The following ZNF23 variants were observed in gnomAD, a reference collection of about 807,000 sequenced individuals.
ZNF23 encodes kruppel-like zinc finger factor X31.
In ZNF23, 48 loss-of-function variants were observed where a neutral mutation model predicts 56.2. The observed-to-expected ratio is 0.85, with a 90% CI of 0.68 to 1.09. The LOEUF is 1.09. Among genes scored for constraint, ZNF23 ranks in the 50% least tolerant of loss-of-function variants. The probability of loss-of-function intolerance (pLI) is 0.00; values close to 1 mark genes in which losing one functional copy is unlikely to be tolerated. For missense variants in ZNF23, 805 were observed against 811.4 expected, an observed-to-expected ratio of 0.99 and a Z score of 0.10; for synonymous variants, 266 against 283.3, an observed-to-expected ratio of 0.94 and a Z score of 0.61.
intron 1 of ZNF23, among the ~76,000 whole-genome samples, chr16:71,459,632 T>C (rs887813154): frequency 1.3e-5 from 2 of 152,258 alleles, no homozygotes; most frequent in African/African-American, 4.8e-5. Context: ...GGATACACTA[T>C]TTGCCACATT....
Position 71,448,425 on chromosome 16 carries a change from A to G in ZNF23, c.1729T>C (p.Cys577Arg), listed in dbSNP as rs1402094656. 2 of 1,614,226 alleles carry G rather than the reference A, an allele frequency of 1.2e-6. No individual in the cohort carries two copies. The highest frequency in any genetic ancestry group is 3.3e-5 in the Admixed American group (2 of 60,034). ...RIHTGEKPFK[C>R]MECEKAFSCS... ...CTGAATGCTTTCTCACATTCCATAC[A>G]TTTGAAAGGTTTCTCCCCAGTATGT... Residue 577 changes from cysteine to arginine, a missense_variant, in exon 5 of 5, where the codon TGT becomes CGT. Coordinates refer to ENST00000647773, the MANE Select transcript of ZNF23 (RefSeq NM_001381984.1).
Position 71,456,766 on chromosome 16 carries a change from G to C in ZNF23, c.31C>G (p.Gln11Glu). ...AGCTGAAGGACCCCACAGCTCACCT[G>C]GGGCCAGGCTGTCAGGTGCATGGCT... MAAMHLTAWP[Q>E]KSVTFEDVAV... Residue 11 changes from glutamine to glutamate, a missense_variant and splice_region_variant, in exon 2 of 5, where the codon CAG (glutamine) becomes GAG (glutamate). Gln to Glu is a conservative substitution (Grantham distance 29, BLOSUM62 2). Transcript: ENST00000647773. The C allele has an allele frequency of 1.0e-6, 1 of 986,014 alleles. No homozygotes were observed. Among genetic ancestry groups the C allele is most frequent in the Non-Finnish European group, 1.2e-6 (1 of 830,054 alleles). 61.1% of individuals were successfully genotyped at this position (986,014 alleles called of 1,614,324 possible). A position where few individuals can be genotyped will look rare whatever the true frequency, so the allele number is the denominator to read the frequency against.
chr16:71,453,911 A>T, intron 3 of ZNF23, 131 bp downstream of exon 3: 1 of 1,126,092 alleles, frequency 8.9e-7, no homozygotes, highest in Non-Finnish European at 1.3e-6. Context: ...CTCTAAGTCT[A>T]GATTAGGAAC....
intron 1 of ZNF23, among the ~76,000 whole-genome samples, chr16:71,460,817 CT>C (rs1481047038): frequency 6.6e-6 from 1 of 152,218 alleles, no homozygotes; most frequent in Non-Finnish European, 1.5e-5. Flanking sequence ...AACTTACACA[CT>C]AGAGAAACTC....
rs756229019 is a variant in ZNF23 at position 71,453,247 on chromosome 16, C to G, written c.264G>C (p.Gln88His). The change falls in exon 4 of 5, where the codon CAG (glutamine) becomes CAC (histidine). Residue 88 changes from glutamine to histidine, a missense_variant. Coordinates refer to ENST00000647773, the MANE Select transcript of ZNF23 (RefSeq NM_001381984.1). ...GGAAATATGTACCTCCCTTACCAGT[C>G]TGGAGGCCCTGGAGGCCTGTTCCTG... Reference protein sequence around the residue: ...LAAGTGLQGLQTVDIQTDNDL... With the variant: ...LAAGTGLQGLHTVDIQTDNDL... 3 of 1,604,914 alleles carry G rather than the reference C, an allele frequency of 1.9e-6. No individual in the cohort carries two copies. Among genetic ancestry groups the G allele is most frequent in the Admixed American group, 1.7e-5 (1 of 59,190 alleles).
intron 4 of ZNF23, 128 bp downstream of exon 4, chr16:71,453,115 T>G (rs892028043): frequency 6.4e-6 from 4 of 623,086 alleles, no homozygotes; most frequent in Non-Finnish European, 1.1e-5. Flanking sequence ...CTATGAATCA[T>G]CAAAATTTAC....
chr16:71,456,601 A>T, intron 2 of ZNF23, 163 bp downstream of exon 2: 2 of 675,880 alleles, frequency 3.0e-6, no homozygotes, highest in Non-Finnish European at 3.7e-6. Flanking sequence ...TCCACTCGCT[A>T]CTGTCCTGGT....
chr16:71,453,731 GAC>G (rs1391551996), intron 3 of ZNF23: 1 of 529,848 alleles, frequency 1.9e-6, no homozygotes. Flanking sequence ...AAAGACTCAA[GAC>G]AGGTAAGATG....
chr16:71,462,193 C>CG lies in ZNF23; in HGVS notation c.-33+16dup, dbSNP rs1305792592. The CG allele has an allele frequency of 3.9e-5, 6 of 152,352 alleles. No individual in the cohort carries two copies. Among genetic ancestry groups the CG allele is most frequent in the Non-Finnish European group, 7.3e-5 (5 of 68,136 alleles). 9.4% of individuals were successfully genotyped at this position (152,352 alleles called of 1,614,324 possible). A position where few individuals can be genotyped will look rare whatever the true frequency, so the allele number is the denominator to read the frequency against. The stretch of plus-strand genomic sequence containing the variant: ...GGGACAGGGCACGGCACACAGCGCC[C>CG]GGAGCCCTGCACTCACCTCCGTAGC... On this transcript the variant is annotated intron_variant, in intron 1 of 4. Coordinates refer to ENST00000647773, the MANE Select transcript of ZNF23 (RefSeq NM_001381984.1).
chr16:71,458,979 A>G (rs925911356), intron 1 of ZNF23, among the ~76,000 whole-genome samples: 6 of 152,200 alleles, frequency 3.9e-5, no homozygotes, highest in African/African-American at 1.4e-4. Flanking sequence ...ACTTTCTTCT[A>G]TTTGTTTTAA....
At chr16:71,452,602 C>T (rs189852329) in intron 4 of ZNF23, 3 of 152,370 alleles carry the variant, frequency 2.0e-5, no homozygotes, top group East Asian at 1.9e-4. Context: ...AAGAGCACTT[C>T]CTCCCTTCCA....
chr16:71,448,277 G>T lies in ZNF23; in HGVS notation c.1877C>A (p.Thr626Asn). Residue 626 changes from threonine to asparagine, a missense_variant, in exon 5 of 5, where the codon ACT becomes AAT. Transcript: ENST00000647773. ...CACACATCTGAAGGGTTTCTCCCCA[G>T]TGTGGCTTCTCTGATGCCGAATTAA... is the stretch of plus-strand genomic sequence containing the variant. ...AHLIRHQRSH[T>N]GEKPFRCVEC... The T allele has an allele frequency of 6.2e-7, 1 of 1,614,212 alleles. No homozygotes were observed. Among genetic ancestry groups the T allele is most frequent in the Non-Finnish European group, 8.5e-7 (1 of 1,180,042 alleles).
At chr16:71,455,725 C>G (rs1208778717) in intron 2 of ZNF23, among the ~76,000 whole-genome samples, 1 of 152,118 alleles carries the variant, frequency 6.6e-6, no homozygotes, top group East Asian at 1.9e-4. Context: ...TTGATGAAGC[C>G]CATGTCACGG....
intron 4 of ZNF23, chr16:71,452,438 T>C (rs1307965768): frequency 4.6e-5 from 7 of 152,232 alleles, no homozygotes; most frequent in African/African-American, 1.4e-4. Flanking sequence ...TGGCACCAAT[T>C]GGAGCCCTGC....
intron 4 of ZNF23, chr16:71,450,650 C>G (rs1488486924): frequency 2.3e-6 from 1 of 428,758 alleles, no homozygotes; most frequent in African/African-American, 2.1e-5. Flanking sequence ...ACCCGGGAAA[C>G]GGAAGTTGCG....
At chr16:71,458,237 C>T (rs2043309862) in intron 1 of ZNF23, among the ~76,000 whole-genome samples, 1 of 152,194 alleles carries the variant, frequency 6.6e-6, no homozygotes, top group Admixed American at 6.5e-5. Flanking sequence ...CTCTTGTTCA[C>T]TGTATTCAAA....
chr16:71,460,457 A>T (rs2043402535), intron 1 of ZNF23, among the ~76,000 whole-genome samples: 1 of 152,228 alleles, frequency 6.6e-6, no homozygotes, highest in Non-Finnish European at 1.5e-5. Flanking sequence ...CTGAGCTCAG[A>T]TGTGTCATGA....
At position 71,449,464 on chromosome 16, in the gene ZNF23, T is replaced by C. The variant is rs1376225081; in HGVS notation, c.690A>G (p.Gln230=). 1.9e-6 allele frequency: 3 copies of C among 1,614,126 alleles called. No homozygotes were observed. Among genetic ancestry groups the C allele is most frequent in the Non-Finnish European group, 2.5e-6 (3 of 1,180,040 alleles). ...AAGGCTTTTCCTCAGTGTTGTTCTC[T>C]TGATGTTGAATAAGTTGAGAGTCAC... ...FRCDSQLIQH[Q]ENNTEEKPYQ... The change falls in exon 5 of 5, where the codon CAA becomes CAG. Residue 230 remains glutamine, a synonymous_variant. Transcript: ENST00000647773.
intron 4 of ZNF23, chr16:71,451,040 G>T (rs1439635444): frequency 1.3e-5 from 2 of 159,020 alleles, no homozygotes; most frequent in African/African-American, 4.8e-5. Context: ...ACTTTAGACA[G>T]GCTCTATTTG....
Sources: allele counts gnomAD v4.1 joint callset (sites outside exome capture counted in the v4.1 genomes callset), GRCh38; gene constraint gnomAD v4.1.1; transcripts MANE v1.5; gene names NCBI Gene and HGNC (gene_info 2026-07-23, HGNC 2026-07-21).